The following COL24A1 variants were observed in gnomAD, a reference collection of about 807,000 sequenced individuals.
COL24A1 encodes collagen type XXIV alpha 1 chain, also known as collagen alpha-1(XXIV) chain.
A neutral mutation model predicts 253.9 loss-of-function variants in COL24A1; 224 were observed. The ratio of observed to expected loss-of-function variants is 0.88; its 90% CI spans 0.79 to 0.99. COL24A1 has a LOEUF of 0.99. COL24A1 is among the 50% of genes least tolerant of loss of function. The pLI, the probability that COL24A1 is intolerant of heterozygous loss-of-function variation, is 0.00. For synonymous variants in COL24A1, 685 were observed against 673.7 expected (o/e 1.02, Z -0.26); for missense variants, 2,131 against 2,068.5 (o/e 1.03, Z -0.59).
At chr1:86,058,996 T>G (rs1352944705) in intron 9 of COL24A1, 125 bp downstream of exon 9, 2 of 579,734 alleles carry the variant, frequency 3.4e-6, no homozygotes, top group African/African-American at 3.9e-5. Flanking sequence ...ATTTTGAAAT[T>G]ATTTCTCTAT....
At chr1:86,133,740 G>T (rs909592871) in intron 2 of COL24A1, among the ~76,000 whole-genome samples, 5 of 152,268 alleles carry the variant, frequency 3.3e-5, no homozygotes, top group African/African-American at 9.6e-5. Flanking sequence ...TGTGCTGCTG[G>T]ATTCGTTTTG....
chr1:86,110,525 A>G (rs937273610), intron 5 of COL24A1, among the ~76,000 whole-genome samples: 5 of 151,760 alleles, frequency 3.3e-5, no homozygotes, highest in Non-Finnish European at 7.4e-5. Flanking sequence ...CCCAGGAGGG[A>G]GCCAGCTCCC....
At chr1:85,874,538 A>T in intron 35 of COL24A1, 111 bp downstream of exon 35, 1 of 885,676 alleles carries the variant, frequency 1.1e-6, no homozygotes, top group Non-Finnish European at 1.7e-6. Flanking sequence ...CATTTTCTAT[A>T]ATGTATCAGA....
intron 43 of COL24A1, among the ~76,000 whole-genome samples, chr1:85,832,862 T>C (rs442497): frequency 1.0e-4 from 15 of 149,638 alleles, no homozygotes; most frequent in African/African-American, 3.7e-4. Flanking sequence ...TACAATCATG[T>C]CATCTGCAAA....
Position 85,734,808 on chromosome 1 carries a change from C to T in COL24A1, c.4939G>A (p.Gly1647Ser), listed in dbSNP as rs1333838876. Residue 1647 changes from glycine to serine, a missense_variant, in exon 59 of 60, where the codon GGC (glycine) becomes AGC (serine). Transcript: ENST00000370571. ...AGAGTGTTTACTTTAAAAATCTGGC[C>T]ATTCCATCCCTTGAAACCAATAGGC... ...GLPIGFKGWN[G>S]QIFKVNTLLE... 1 of 1,614,190 alleles carries T rather than the reference C, an allele frequency of 6.2e-7. No individual in the cohort carries two copies. Among genetic ancestry groups the T allele is most frequent in the Non-Finnish European group, 8.5e-7 (1 of 1,180,042 alleles).
chr1:86,127,235 A>G (rs769601318), intron 2 of COL24A1, among the ~76,000 whole-genome samples: 35 of 152,076 alleles, frequency 2.3e-4, no homozygotes, highest in Non-Finnish European at 3.8e-4. Flanking sequence ...TCCAACTTTT[A>G]GACTCTTTCA....
intron 14 of COL24A1, among the ~76,000 whole-genome samples, chr1:86,025,538 A>G (rs550176277): frequency 3.1e-4 from 47 of 152,344 alleles, no homozygotes; most frequent in African/African-American, 1.1e-3. Context: ...GCATATAACA[A>G]TGACAACCAA....
At chr1:85,973,301 G>A (rs1425267768) in intron 20 of COL24A1, among the ~76,000 whole-genome samples, 1 of 152,088 alleles carries the variant, frequency 6.6e-6, no homozygotes, top group Non-Finnish European at 1.5e-5. Context: ...TTATCAGTAA[G>A]ACAGAGTCCC....
chr1:85,851,102 G>A (rs1677721583), intron 37 of COL24A1, among the ~76,000 whole-genome samples: 1 of 150,724 alleles, frequency 6.6e-6, no homozygotes, highest in South Asian at 2.1e-4. Flanking sequence ...CCCTACTCAG[G>A]TGCAATCATT....
chr1:85,976,338 A>C (rs1558868037), intron 20 of COL24A1, among the ~76,000 whole-genome samples: 1 of 152,142 alleles, frequency 6.6e-6, no homozygotes, highest in Admixed American at 6.5e-5. Flanking sequence ...CGACCTCTAC[A>C]TGGGAGCTGG....
In COL24A1 at chr1:86,111,935, G is replaced by A. The variant is rs111240530; in HGVS notation, c.1599+632C>T. 3.0e-3 allele frequency among the ~76,000 whole-genome samples: 454 copies of A among 152,234 alleles called. 4 individuals are homozygous for A. Among genetic ancestry groups the A allele is most frequent in the African/African-American group, 0.01 (434 of 41,536 alleles). ...GAAGGAAGAAACTGCGAACATGTCC[G>A]AACATCAGAAGGAACAAACTCTGGA... On this transcript the variant is annotated intron_variant, in intron 5 of 59. Transcript: ENST00000370571.
intron 37 of COL24A1, among the ~76,000 whole-genome samples, chr1:85,856,937 G>A (rs1056143400): frequency 3.9e-5 from 6 of 152,002 alleles, no homozygotes; most frequent in South Asian, 2.1e-4. Flanking sequence ...TTACCATAAG[G>A]CTTTTACTAG....
intron 3 of COL24A1, among the ~76,000 whole-genome samples, chr1:86,119,126 C>T (rs184881966): frequency 6.6e-6 from 1 of 151,956 alleles, no homozygotes; most frequent in African/African-American, 2.4e-5. Flanking sequence ...AGACTACTCT[C>T]CCTCCCTCAA....
At chr1:85,774,048 G>A (rs1202283857) in intron 53 of COL24A1, among the ~76,000 whole-genome samples, 1 of 151,866 alleles carries the variant, frequency 6.6e-6, no homozygotes, top group African/African-American at 2.4e-5. Flanking sequence ...ATGTTCCACT[G>A]ATATCTGGTT....
intron 34 of COL24A1, among the ~76,000 whole-genome samples, chr1:85,874,926 A>T (rs762526446): frequency 3.2e-4 from 48 of 152,120 alleles, no homozygotes; most frequent in Non-Finnish European, 3.8e-4. Flanking sequence ...TTAGATTCTC[A>T]TAGAAACACG....
At chr1:86,087,546 G>A (rs977512628) in intron 7 of COL24A1, among the ~76,000 whole-genome samples, 6 of 152,148 alleles carry the variant, frequency 3.9e-5, no homozygotes, top group Admixed American at 6.5e-5. Flanking sequence ...TTTCTGGAGT[G>A]CTAATTTCAT....
chr1:86,113,939 G>A (rs1451242748), intron 4 of COL24A1, among the ~76,000 whole-genome samples: 2 of 151,574 alleles, frequency 1.3e-5, no homozygotes, highest in East Asian at 3.9e-4. Context: ...TAAAGTAGAT[G>A]GAAAACATCT....
At chr1:86,076,611 G>T (rs1702267678) in intron 7 of COL24A1, among the ~76,000 whole-genome samples, 1 of 152,170 alleles carries the variant, frequency 6.6e-6, no homozygotes, top group Non-Finnish European at 1.5e-5. Context: ...GAACAAAGCT[G>T]GAGGCATCAC....
chr1:85,932,168 A>C (rs1030938870), intron 24 of COL24A1, among the ~76,000 whole-genome samples: 1 of 94,676 alleles, frequency 1.1e-5, no homozygotes, highest in Non-Finnish European at 2.2e-5. Flanking sequence ...CATGGGAGAA[A>C]ATTTTCGCAA....
Sources: allele counts gnomAD v4.1 joint callset (sites outside exome capture counted in the v4.1 genomes callset), GRCh38; gene constraint gnomAD v4.1.1; transcripts MANE v1.5; gene names NCBI Gene and HGNC (gene_info 2026-07-23, HGNC 2026-07-21).